Variants in OR5B2 observed in about 807,000 individuals in gnomAD.
OR5B2 encodes the protein olfactory receptor family 5 subfamily B member 2, also known as olfactory receptor 5B2.
For missense variants in OR5B2, 411 were observed against 367.0 expected (o/e 1.12, Z -0.98); for synonymous variants, 163 against 140.8 (o/e 1.16, Z -1.11).
In OR5B2 at chr11:58,422,737, A is replaced by G; in HGVS notation, c.525T>C (p.Phe175=). The change falls in exon 3 of 3, where the codon TTT becomes TTC. Residue 175 remains phenylalanine (F), a synonymous_variant. Transcript: ENST00000641342. ...SFCKSNLVHH[F]FCDVPAVMAL... is the part of the protein sequence containing the mutation. The stretch of plus-strand genomic sequence containing the variant: ...CCATGACTGCTGGAACATCACAGAA[A>G]AAGTGATGTACCAGATTGGATTTAC... The G allele has an allele frequency of 6.2e-7, 1 of 1,613,878 alleles. No homozygotes were observed. Among genetic ancestry groups the G allele is most frequent in the Middle Eastern group, 1.7e-4 (1 of 6,058 alleles).
At chr11:58,425,601 C>CA (rs890936966) in intron 2 of OR5B2, among the ~76,000 whole-genome samples, 1 of 151,482 alleles carries the variant, frequency 6.6e-6, no homozygotes, top group Non-Finnish European at 1.5e-5. Context: ...AGGTAGTGGT[C>CA]AAAAAAAGCT....
chr11:58,424,481 T>G (rs576658237), intron 2 of OR5B2, among the ~76,000 whole-genome samples: 1 of 152,142 alleles, frequency 6.6e-6, no homozygotes, highest in African/African-American at 2.4e-5. Flanking sequence ...ATTTCTTCCT[T>G]GAAATTTACA....
At chr11:58,427,481 C>T (rs769515045) in intron 1 of OR5B2, among the ~76,000 whole-genome samples, 9 of 152,252 alleles carry the variant, frequency 5.9e-5, no homozygotes, top group East Asian at 1.9e-4. Flanking sequence ...TAAACACTTA[C>T]GCACTTCAGT....
chr11:58,421,622 T>C lies in OR5B2; in HGVS notation c.*710A>G, dbSNP rs929280411. 1 of 152,118 alleles carries C rather than the reference T, an allele frequency of 6.6e-6. No homozygotes were observed. Among genetic ancestry groups the C allele is most frequent in the African/African-American group, 2.4e-5 (1 of 41,452 alleles). 9.4% of individuals were successfully genotyped at this position (152,118 alleles called of 1,614,324 possible). On this transcript the variant is annotated 3_prime_UTR_variant, in exon 3 of 3. Transcript: ENST00000641342. ...ATGATAAATAGATGTCATTATACAT[T>C]TATTCAAATCCATAGAAGGGACAAC...
At position 58,421,388 on chromosome 11, in the gene OR5B2, G is replaced by C. The variant is rs140384875; in HGVS notation, c.*944C>G. On this transcript the variant is annotated 3_prime_UTR_variant, in exon 3 of 3. Transcript: ENST00000641342. ...AGCTATCAAGCCACGAAAAGTTATG[G>C]AGAAAACAGATGCATATTACTATGT... The C allele has an allele frequency of 6.6e-6, 1 of 152,262 alleles. No individual in the cohort carries two copies. Among genetic ancestry groups the C allele is most frequent in the Non-Finnish European group, 1.5e-5 (1 of 68,004 alleles). The allele number at this position is 152,262 out of a possible 1,614,324, so 9.4% of individuals were successfully genotyped here.
chr11:58,423,920 C>A (rs2119940065), intron 2 of OR5B2, among the ~76,000 whole-genome samples: 1 of 152,184 alleles, frequency 6.6e-6, no homozygotes, highest in East Asian at 1.9e-4. Context: ...AGTGAGGTAA[C>A]TGAGAGGAAA....
Position 58,422,956 on chromosome 11 carries a change from A to T in OR5B2, c.306T>A (p.Phe102Leu). 8.7e-6 allele frequency: 14 copies of T among 1,613,906 alleles called. No homozygotes were observed. Among genetic ancestry groups the T allele is most frequent in the Non-Finnish European group, 1.1e-5 (13 of 1,179,874 alleles). ...AATTTTCCACCGTGGCCAAGGCTACAAAGAAGAACATCTGAACAGCACATG... is the reference window on the plus strand; with the variant it reads ...AATTTTCCACCGTGGCCAAGGCTACTAAGAAGAACATCTGAACAGCACATG... ...YNACAVQMFF[F>L]VALATVENYL... The change falls in exon 3 of 3, where the codon TTT becomes TTA. Residue 102 changes from phenylalanine to leucine, a missense_variant. Transcript: ENST00000641342.
chr11:58,427,870 G>A (rs1022764318), intron 1 of OR5B2, 149 bp downstream of exon 1: 4 of 152,154 alleles, frequency 2.6e-5, no homozygotes, highest in African/African-American at 9.7e-5. Context: ...GCACTGGGAA[G>A]TACCCCACAT....
chr11:58,424,544 A>C (rs1287362819), intron 2 of OR5B2, among the ~76,000 whole-genome samples: 1 of 151,902 alleles, frequency 6.6e-6, no homozygotes, highest in African/African-American at 2.4e-5. Flanking sequence ...CTTTTCTTTC[A>C]TTTATGTCAT....
At position 58,422,014 on chromosome 11, in the gene OR5B2, C is replaced by T. The variant is rs1855279434; in HGVS notation, c.*318G>A. 5.0e-6 allele frequency: 1 copy of T among 198,476 alleles called. No homozygotes were observed. The highest frequency in any genetic ancestry group is 1.0e-5 in the Non-Finnish European group (1 of 97,314). 12.3% of individuals were successfully genotyped at this position (198,476 alleles called of 1,614,324 possible). A position where few individuals can be genotyped will look rare whatever the true frequency, so the allele number is the denominator to read the frequency against. On this transcript the variant is annotated 3_prime_UTR_variant, in exon 3 of 3. Coordinates refer to ENST00000641342, the MANE Select transcript of OR5B2 (RefSeq NM_001005566.3). ...ACTTTTTTGTGGGCTTGTTGGTGTC[C>T]CTGTTTAACAAGTATGTTTGCACTG...
At position 58,422,938 on chromosome 11, in the gene OR5B2, C is replaced by T. The variant is rs201844783; in HGVS notation, c.324G>A (p.Val108=). Residue 108 remains valine (V), a synonymous_variant, in exon 3 of 3, where the codon GTG becomes GTA. Coordinates refer to ENST00000641342, the MANE Select transcript of OR5B2 (RefSeq NM_001005566.3). ...QMFFFVALAT[V]ENYLLASMAY... ...CCATTGAGGCCAACAAGTAATTTTC[C>T]ACCGTGGCCAAGGCTACAAAGAAGA... 69 of 1,613,836 alleles carry T rather than the reference C, an allele frequency of 4.3e-5. No homozygotes were observed. In the African/African-American group the frequency reaches 7.1e-4, roughly 17 times the overall value.
intron 1 of OR5B2, 118 bp downstream of exon 1, chr11:58,427,901 C>A (rs559784970): frequency 6.6e-6 from 1 of 152,126 alleles, no homozygotes; most frequent in African/African-American, 2.4e-5. Context: ...ACTTAAGGAC[C>A]AATGGAAGGA....
At chr11:58,427,627 A>G (rs1248977308) in intron 1 of OR5B2, among the ~76,000 whole-genome samples, 1 of 152,198 alleles carries the variant, frequency 6.6e-6, no homozygotes. Flanking sequence ...CCAAGTAGAA[A>G]CATGATTGTT....
chr11:58,424,821 A>C (rs886086318), intron 2 of OR5B2, among the ~76,000 whole-genome samples: 4 of 152,150 alleles, frequency 2.6e-5, no homozygotes, highest in Admixed American at 2.6e-4. Flanking sequence ...TCACTTTTAG[A>C]ATATACTATG....
In OR5B2 at chr11:58,422,592, A is replaced by G; in HGVS notation, c.670T>C (p.Leu224=). Residue 224 remains leucine (L), a synonymous_variant, in exon 3 of 3, where the codon TTG becomes CTG. Transcript: ENST00000641342. ...TGTCCCTTAGCTGAATGCATCTTCA[A>G]GATGGTGATGAATATGAACAAGTAG... ...ISYLFIFITI[L]KMHSAKGHQK... is the part of the protein sequence containing the mutation. 6.2e-7 allele frequency: 1 copy of G among 1,613,728 alleles called. No individual in the cohort carries two copies. The highest frequency in any genetic ancestry group is 8.5e-7 in the Non-Finnish European group (1 of 1,179,788).
chr11:58,422,996 A>T lies in OR5B2; in HGVS notation c.266T>A (p.Val89Asp). The T allele has an allele frequency of 4.3e-6, 7 of 1,613,828 alleles. No individual in the cohort carries two copies. Among genetic ancestry groups the T allele is most frequent in the Non-Finnish European group, 5.9e-6 (7 of 1,179,844 alleles). ...VMAGFLRGDKVISYNACAVQM... is the reference protein window; with the variant it reads ...VMAGFLRGDKDISYNACAVQM... ...AACAGCACATGCATTGTAGGAGATG[A>T]CCTTGTCTCCTCTAAGGAACCCAGC... Residue 89 changes from valine to aspartate, a missense_variant, in exon 3 of 3, where the codon GTC (valine) becomes GAC (aspartate). By Grantham distance (152) the Val-to-Asp change is radical (BLOSUM62 -3). Coordinates refer to ENST00000641342, the MANE Select transcript of OR5B2 (RefSeq NM_001005566.3).
At position 58,422,518 on chromosome 11, in the gene OR5B2, G is replaced by C. The variant is rs960310914; in HGVS notation, c.744C>G (p.Val248=). ...AGATGAAGATTACTGTCCCATAGAA[G>C]ACGGAGACTGCAGTGAAGTGAGAGG... ...TCASHFTAVS[V]FYGTVIFIYL... is the part of the protein sequence containing the mutation. The change falls in exon 3 of 3, where the codon GTC becomes GTG. Residue 248 remains valine, a synonymous_variant. Coordinates refer to ENST00000641342, the MANE Select transcript of OR5B2 (RefSeq NM_001005566.3). The C allele has an allele frequency of 3.1e-6, 5 of 1,613,706 alleles. No homozygotes were observed. Among genetic ancestry groups the C allele is most frequent in the Middle Eastern group, 1.6e-4 (1 of 6,080 alleles).
In OR5B2 at chr11:58,423,058, G is replaced by C; in HGVS notation, c.204C>G (p.Asp68Glu). The change falls in exon 3 of 3, where the codon GAC becomes GAG. Residue 68 changes from aspartate (D) to glutamate (E), a missense_variant. Physicochemically the swap from Asp to Glu is conservative, Grantham distance 45 (BLOSUM62 2). Transcript: ENST00000641342. ...GAGTGACAGCTGAGGAGTATCCAAA[G>C]TCCACCAGAGACAGGTTACTGAGGA... Reference protein sequence around the residue: ...YFFLSNLSLVDFGYSSAVTPK... With the variant: ...YFFLSNLSLVEFGYSSAVTPK... The C allele has an allele frequency of 6.2e-7, 1 of 1,613,646 alleles. No homozygotes were observed. Among genetic ancestry groups the C allele is most frequent in the Non-Finnish European group, 8.5e-7 (1 of 1,179,738 alleles).
intron 1 of OR5B2, among the ~76,000 whole-genome samples, chr11:58,427,758 AC>A (rs905137896): frequency 3.3e-5 from 5 of 152,164 alleles, no homozygotes; most frequent in African/African-American, 1.2e-4. Flanking sequence ...CAATACACAT[AC>A]CCACCAGGAA....
Sources: allele counts gnomAD v4.1 joint callset (sites outside exome capture counted in the v4.1 genomes callset), GRCh38; gene constraint gnomAD v4.1.1; transcripts MANE v1.5; gene names NCBI Gene and HGNC (gene_info 2026-07-23, HGNC 2026-07-21).